PLSCR4: variants seen among roughly 807,000 people sequenced by gnomAD.
PLSCR4 encodes the protein phospholipid scramblase 4, also known as Ca(2+)-dependent phospholipid scramblase 4.
In PLSCR4, 25 loss-of-function variants were observed where a neutral mutation model predicts 36.3. That is an observed-to-expected ratio of 0.69 (90% confidence interval 0.50 to 0.96). PLSCR4 has a LOEUF of 0.96. Ranked by LOEUF, PLSCR4 falls within the 40% of genes least tolerant of loss-of-function variation. The pLI is 0.00. For synonymous variants in PLSCR4, 122 were observed against 132.9 expected (o/e 0.92, Z 0.56); for missense variants, 408 against 414.7 (o/e 0.98, Z 0.14).
intron 1 of PLSCR4, among the ~76,000 whole-genome samples, chr3:146,228,126 A>G (rs980711626): frequency 1.3e-5 from 2 of 152,182 alleles, no homozygotes; most frequent in African/African-American, 4.8e-5. Flanking sequence ...GGCTGGATCA[A>G]CCTCATAGAA....
intron 1 of PLSCR4, among the ~76,000 whole-genome samples, chr3:146,225,070 C>T (rs1185196973): frequency 2.0e-5 from 3 of 150,498 alleles, no homozygotes; most frequent in African/African-American, 7.4e-5. Context: ...ATTTACAATC[C>T]CTGAGATAGA....
intron 3 of PLSCR4, among the ~76,000 whole-genome samples, chr3:146,219,496 T>C (rs2035043705): frequency 3.9e-5 from 6 of 152,190 alleles, no homozygotes; most frequent in Admixed American, 3.9e-4. Context: ...TGCAGTATGT[T>C]ATAATGCATT....
rs34713180 is a variant in PLSCR4, at chr3:146,239,519, C to CA, written c.-22+11440dup. On this transcript the variant is annotated intron_variant, in intron 1 of 8. Coordinates refer to ENST00000354952, the MANE Select transcript of PLSCR4 (RefSeq NM_020353.3). The stretch of plus-strand genomic sequence containing the variant: ...GCTGAGACAATTGTACATCCACATA[C>CA]AAAAAAAAAAAAAAAAAAAACTTGG... Among the ~76,000 whole-genome samples the CA allele has an allele frequency of 5.3e-3, 590 of 110,572 alleles. 4 individuals are homozygous for CA. Among genetic ancestry groups the CA allele is most frequent in the East Asian group, 0.014 (53 of 3,666 alleles). The allele number at this position is 110,572 out of a possible 152,430, so 72.5% of individuals were successfully genotyped here.
At chr3:146,209,492 T>C (rs901092387) in intron 3 of PLSCR4, among the ~76,000 whole-genome samples, 34 of 152,122 alleles carry the variant, frequency 2.2e-4, no homozygotes, top group African/African-American at 8.0e-4. Flanking sequence ...TTTAGGAATT[T>C]TTTTATCAAG....
Position 146,192,535 on chromosome 3 carries a change from TAA to T in PLSCR4, c.*1874_*1875del, listed in dbSNP as rs2033446370. The T allele has an allele frequency of 2.0e-5, 3 of 151,626 alleles. No homozygotes were observed. Among genetic ancestry groups the T allele is most frequent in the East Asian group, 1.9e-4 (1 of 5,168 alleles). 9.4% of individuals were successfully genotyped at this position (151,626 alleles called of 1,614,324 possible). A position where few individuals can be genotyped will look rare whatever the true frequency, so the allele number is the denominator to read the frequency against. ...TATTATATAAAGAAAATTTTAACTC[TAA>T]GAGACAAATATAATTTTTTAAAAAA... On this transcript the variant is annotated 3_prime_UTR_variant, in exon 9 of 9. Transcript: ENST00000354952.
chr3:146,216,192 C>T (rs2034885198), intron 3 of PLSCR4, among the ~76,000 whole-genome samples: 1 of 152,152 alleles, frequency 6.6e-6, no homozygotes, highest in South Asian at 2.1e-4. Context: ...GATTGCATCA[C>T]TGTACTCCAG....
intron 3 of PLSCR4, among the ~76,000 whole-genome samples, chr3:146,210,048 T>A (rs941710249): frequency 6.6e-6 from 1 of 152,128 alleles, no homozygotes; most frequent in African/African-American, 2.4e-5. Flanking sequence ...GTCCCTTATA[T>A]AAAATGGTGT....
chr3:146,206,814 T>TA lies in PLSCR4; in HGVS notation c.119-54dup, dbSNP rs543878104. 25 of 1,135,366 alleles carry TA rather than the reference T, an allele frequency of 2.2e-5. No individual in the cohort carries two copies. The South Asian group carries it at 3.2e-4, about 14-fold the overall frequency. The allele number at this position is 1,135,366 out of a possible 1,614,324, so 70.3% of individuals were successfully genotyped here. A position where few individuals can be genotyped will look rare whatever the true frequency, so the allele number is the denominator to read the frequency against. ...TATATTATTAACACTAAAGTTAGCA[T>TA]AACTTTTTACATGCGATGAAATAGA... is the stretch of plus-strand genomic sequence containing the variant. On this transcript the variant is annotated intron_variant, in intron 3 of 8. Transcript: ENST00000354952.
chr3:146,226,378 T>C (rs2035479366), intron 1 of PLSCR4, among the ~76,000 whole-genome samples: 1 of 152,188 alleles, frequency 6.6e-6, no homozygotes, highest in Non-Finnish European at 1.5e-5. Flanking sequence ...GTTAAGTTCT[T>C]GGGATTGCAA....
intron 3 of PLSCR4, among the ~76,000 whole-genome samples, chr3:146,219,979 T>G (rs571843777): frequency 6.6e-6 from 1 of 152,064 alleles, no homozygotes; most frequent in Non-Finnish European, 1.5e-5. Flanking sequence ...GCCATTATCT[T>G]GTACATAGCA....
At chr3:146,227,265 G>A (rs187391924) in intron 1 of PLSCR4, among the ~76,000 whole-genome samples, 3 of 152,226 alleles carry the variant, frequency 2.0e-5, no homozygotes, top group East Asian at 3.9e-4. Flanking sequence ...AGAGGCCTTG[G>A]TATTTTGGGG....
chr3:146,232,522 G>C (rs2035753118), intron 1 of PLSCR4, among the ~76,000 whole-genome samples: 1 of 152,092 alleles, frequency 6.6e-6, no homozygotes, highest in Admixed American at 6.6e-5. Flanking sequence ...TCTTTCAGCA[G>C]TGTTTTGTAA....
At chr3:146,208,170 A>G (rs2034434356) in intron 3 of PLSCR4, among the ~76,000 whole-genome samples, 1 of 152,108 alleles carries the variant, frequency 6.6e-6, no homozygotes, top group Non-Finnish European at 1.5e-5. Context: ...AACAAAACAC[A>G]AAGTGGGGAA....
intron 1 of PLSCR4, among the ~76,000 whole-genome samples, chr3:146,246,891 C>CA (rs1374603478): frequency 3.9e-5 from 6 of 152,020 alleles, no homozygotes; most frequent in African/African-American, 1.4e-4. Flanking sequence ...TACATTTATA[C>CA]AAAAAAATCC....
chr3:146,242,626 A>T (rs143344079), intron 1 of PLSCR4, among the ~76,000 whole-genome samples: 1 of 152,298 alleles, frequency 6.6e-6, no homozygotes, highest in African/African-American at 2.4e-5. Flanking sequence ...ACATAGAATC[A>T]TGGGTTTATC....
chr3:146,234,182 A>C (rs1268578519), intron 1 of PLSCR4, among the ~76,000 whole-genome samples: 1 of 152,104 alleles, frequency 6.6e-6, no homozygotes, highest in East Asian at 1.9e-4. Flanking sequence ...AAAAAGTACA[A>C]TCAAACCAGA....
At chr3:146,209,823 G>A (rs564684267) in intron 3 of PLSCR4, among the ~76,000 whole-genome samples, 71 of 152,040 alleles carry the variant, frequency 4.7e-4, no homozygotes, top group Non-Finnish European at 9.3e-4. Context: ...GCCCACAAGT[G>A]ATGTTGTCTG....
chr3:146,233,919 G>A (rs546847100), intron 1 of PLSCR4, among the ~76,000 whole-genome samples: 26 of 152,162 alleles, frequency 1.7e-4, no homozygotes, highest in African/African-American at 5.8e-4. Context: ...TGGGAAAGTA[G>A]GCTGTTCTGC....
chr3:146,204,196 C>T (rs2034198066), intron 4 of PLSCR4, among the ~76,000 whole-genome samples: 3 of 152,026 alleles, frequency 2.0e-5, no homozygotes, highest in South Asian at 2.1e-4. Context: ...ATAATATAAT[C>T]GTGCTAATTT....
Sources: allele counts gnomAD v4.1 joint callset (sites outside exome capture counted in the v4.1 genomes callset), GRCh38; gene constraint gnomAD v4.1.1; transcripts MANE v1.5; gene names NCBI Gene and HGNC (gene_info 2026-07-23, HGNC 2026-07-21).